The following UNC79 variants were observed in gnomAD, a reference collection of about 807,000 sequenced individuals.
The protein encoded by UNC79 is unc-79 subunit of NALCN channel complex.
UNC79 carries 37 observed loss-of-function variants against 283.1 expected under a neutral mutation model. That is an observed-to-expected ratio of 0.13 (90% CI 0.10 to 0.17). The LOEUF is 0.17. Among genes scored for constraint, UNC79 ranks in the 10% least tolerant of loss-of-function variants. The pLI is 1.00. For synonymous variants in UNC79, 1,107 were observed against 1,200.2 expected (o/e 0.92, Z 1.61); for missense variants, 2,272 against 3,211.1 (o/e 0.71, Z 7.07).
At chr14:93,593,689 G>T (rs377133025) in exon 23 of UNC79, 1 of 1,611,574 alleles carries the variant, frequency 6.2e-7, no homozygotes, top group East Asian at 2.2e-5. Flanking sequence ...GCCTGTGGAG[G>T]GTCGTCAAAT....
At chr14:93,691,350 C>T (rs1487315309) in intron 45 of UNC79, 4 of 236,766 alleles carry the variant, frequency 1.7e-5, no homozygotes, top group African/African-American at 6.5e-5. Flanking sequence ...CGTATATCAC[C>T]TGCTTTACTC....
intron 1 of UNC79, among the ~76,000 whole-genome samples, chr14:93,368,149 T>G (rs1312325309): frequency 6.6e-6 from 1 of 152,244 alleles, no homozygotes; most frequent in Non-Finnish European, 1.5e-5. Context: ...GAATTAGATA[T>G]TGCCTTCTCA....
chr14:93,643,786 A>G lies in UNC79; in HGVS notation c.6044+89A>G, dbSNP rs74073857. On this transcript the variant is annotated intron_variant, in intron 34 of 48. Coordinates refer to ENST00000555664, the Ensembl canonical transcript of UNC79. ...AAAACTACCAGTTCAAAAGTGAAACATTCAGCCACCTTGTAGATACTGGTA... is the reference window on the plus strand; with the variant it reads ...AAAACTACCAGTTCAAAAGTGAAACGTTCAGCCACCTTGTAGATACTGGTA... 4.3e-3 allele frequency: 6,649 copies of G among 1,537,014 alleles called. 286 individuals carry two copies. The African/African-American group carries it at 0.083, about 19-fold the overall frequency.
exon 30 of UNC79, chr14:93,622,640 C>G (rs1207723442): frequency 6.2e-7 from 1 of 1,614,010 alleles, no homozygotes; most frequent in African/African-American, 1.3e-5. Flanking sequence ...AAGTGAGAAG[C>G]CTGATACCAG....
intron 14 of UNC79, among the ~76,000 whole-genome samples, chr14:93,561,934 AAGT>A (rs959785711): frequency 1.3e-5 from 2 of 152,216 alleles, no homozygotes; most frequent in African/African-American, 4.8e-5. Context: ...GGCGCAGTCC[AAGT>A]AGTGGGGGTG....
intron 14 of UNC79, among the ~76,000 whole-genome samples, chr14:93,565,682 A>C (rs979204530): frequency 1.5e-5 from 2 of 137,624 alleles, no homozygotes; most frequent in African/African-American, 5.4e-5. Flanking sequence ...GCAAACTAAC[A>C]GTCAGTAGCT....
chr14:93,471,725 G>A (rs762900615), intron 2 of UNC79, among the ~76,000 whole-genome samples: 37 of 151,920 alleles, frequency 2.4e-4, no homozygotes, highest in Non-Finnish European at 5.2e-4. Context: ...TGGTTTCATG[G>A]ATGACTCATT....
intron 20 of UNC79, among the ~76,000 whole-genome samples, chr14:93,582,646 G>C (rs1318596217): frequency 6.6e-6 from 1 of 152,180 alleles, no homozygotes; most frequent in Admixed American, 6.5e-5. Context: ...TGACAATCTT[G>C]ACAGCCACTC....
intron 1 of UNC79, among the ~76,000 whole-genome samples, chr14:93,334,194 A>G (rs2053524279): frequency 6.6e-6 from 1 of 152,238 alleles, no homozygotes; most frequent in South Asian, 2.1e-4. Flanking sequence ...TGGAGACAAT[A>G]TCATTGTTGT....
At chr14:93,636,692 TTC>T (rs1324715488) in intron 31 of UNC79, among the ~76,000 whole-genome samples, 6 of 152,166 alleles carry the variant, frequency 3.9e-5, no homozygotes, top group Non-Finnish European at 7.4e-5. Context: ...TGCCTCATCT[TTC>T]ATGTGAACAA....
intron 7 of UNC79, among the ~76,000 whole-genome samples, chr14:93,520,672 A>G (rs1050048196): frequency 1.3e-4 from 19 of 151,718 alleles, no homozygotes; most frequent in African/African-American, 4.4e-4. Flanking sequence ...TAATTCACTG[A>G]TCTTTTCTTC....
intron 1 of UNC79, among the ~76,000 whole-genome samples, chr14:93,404,476 T>G (rs2055174401): frequency 3.1e-5 from 1 of 32,004 alleles, no homozygotes; most frequent in Admixed American, 4.3e-4. Flanking sequence ...AATGACAGAG[T>G]GAGACCTTCT....
intron 19 of UNC79, 22 bp downstream of exon 19, chr14:93,580,398 A>T: frequency 6.2e-7 from 1 of 1,609,172 alleles, no homozygotes; most frequent in Non-Finnish European, 8.5e-7. Flanking sequence ...AAGAAACGAG[A>T]TGACCCATGT....
chr14:93,659,052 A>G (rs1596272275), intron 38 of UNC79, 141 bp from the exon 42 acceptor site: 1 of 610,164 alleles, frequency 1.6e-6, no homozygotes, highest in Middle Eastern at 4.4e-4. Flanking sequence ...CAACAAGGAT[A>G]TTATGGCATG....
chr14:93,540,567 C>T (rs898182947), intron 12 of UNC79, 93 bp from the exon 13 acceptor site: 4 of 1,400,636 alleles, frequency 2.9e-6, no homozygotes, highest in Admixed American at 4.4e-5. Context: ...ATCCAGGATG[C>T]TTGAGTACTC....
intron 1 of UNC79, among the ~76,000 whole-genome samples, chr14:93,357,846 G>GATATATGGATATGTAT (rs1442844043): frequency 2.4e-5 from 2 of 82,338 alleles, no homozygotes; most frequent in Non-Finnish European, 5.3e-5. Flanking sequence ...TATATATATG[G>GATATATGGATATGTAT]ATATATGGAT....
At chr14:93,556,700 A>G (rs553331686) in intron 14 of UNC79, among the ~76,000 whole-genome samples, 1 of 152,128 alleles carries the variant, frequency 6.6e-6, no homozygotes, top group East Asian at 1.9e-4. Flanking sequence ...AAAAAAACCC[A>G]AAAACCTTTT....
chr14:93,339,175 G>A (rs1303638924), intron 1 of UNC79, among the ~76,000 whole-genome samples: 1 of 152,156 alleles, frequency 6.6e-6, no homozygotes, highest in Non-Finnish European at 1.5e-5. Context: ...TGCCAACAGG[G>A]TACAGATGTT....
At chr14:93,704,922 G>A (rs1022540815) in intron 48 of UNC79, among the ~76,000 whole-genome samples, 5 of 152,120 alleles carry the variant, frequency 3.3e-5, no homozygotes, top group African/African-American at 1.2e-4. Flanking sequence ...GTCTGAGCAA[G>A]CCTCAATCCA....
Sources: gnomAD v4.1 joint callset for allele counts (sites outside exome capture counted in the v4.1 genomes callset) on GRCh38, gnomAD v4.1.1 for gene constraint, MANE v1.5 for transcripts, NCBI Gene and HGNC (gene_info 2026-07-23, HGNC 2026-07-21) for gene names.